The following SRSF3 variants were observed in gnomAD, a reference collection of about 807,000 sequenced individuals.
The protein encoded by SRSF3 is serine and arginine rich splicing factor 3.
For synonymous variants in SRSF3, 87 were observed against 73.6 expected (o/e 1.18, Z -0.93); for missense variants, 58 against 217.1 (o/e 0.27, Z 4.61).
intron 1 of SRSF3, among the ~76,000 whole-genome samples, chr6:36,595,330 T>TA (rs1488193776): frequency 6.6e-6 from 1 of 152,170 alleles, no homozygotes; most frequent in Non-Finnish European, 1.5e-5. Context: ...GTGCAGTAAA[T>TA]TTTTTAGTAG....
At position 36,603,220 on chromosome 6, in the gene SRSF3, T is replaced by C. The variant is rs977889129; in HGVS notation, c.*1231T>C. On this transcript the variant is annotated 3_prime_UTR_variant, in exon 6 of 6. Coordinates refer to ENST00000373715, the MANE Select transcript of SRSF3 (RefSeq NM_003017.5). The stretch of plus-strand genomic sequence containing the variant: ...GGCTTTTATCTTTAGCATGAAAACT[T>C]TCCACAGGTCTAAAAATTGCTTCCA... 2.7e-5 allele frequency: 6 copies of C among 224,464 alleles called. No homozygotes were observed. The highest frequency in any genetic ancestry group is 1.1e-4 in the Admixed American group (2 of 17,460). 13.9% of individuals were successfully genotyped at this position (224,464 alleles called of 1,614,324 possible).
intron 3 of SRSF3, chr6:36,599,447 A>AG (rs1395007862): frequency 4.9e-6 from 1 of 205,716 alleles, no homozygotes; most frequent in African/African-American, 2.3e-5. Flanking sequence ...TGACCAATAA[A>AG]GGGGGCTAAA....
chr6:36,601,833 C>G, intron 5 of SRSF3, 39 bp downstream of exon 5: 6 of 1,603,960 alleles, frequency 3.7e-6, no homozygotes, highest in Non-Finnish European at 5.1e-6. Context: ...ACTTTGCATA[C>G]ATAGTATGCT....
At chr6:36,600,954 T>A in intron 3 of SRSF3, 198 bp from the exon 4 acceptor site, 1 of 478,184 alleles carries the variant, frequency 2.1e-6, no homozygotes, top group Non-Finnish European at 3.6e-6. Context: ...CACTTGAGCT[T>A]TTTGTTTCTT....
intron 2 of SRSF3, among the ~76,000 whole-genome samples, chr6:36,598,032 G>A (rs1329988692): frequency 6.6e-6 from 1 of 152,090 alleles, no homozygotes; most frequent in Non-Finnish European, 1.5e-5. Flanking sequence ...GTTGAGGGGA[G>A]AGGGTGCTGT....
intron 3 of SRSF3, 41 bp downstream of exon 3, chr6:36,599,024 G>A (rs768280731): frequency 2.5e-6 from 4 of 1,605,180 alleles, no homozygotes; most frequent in Middle Eastern, 1.7e-4. Context: ...TGGTGTAATG[G>A]AGTAGCTAGT....
Position 36,603,912 on chromosome 6 carries a change from A to G in SRSF3, c.*1923A>G, listed in dbSNP as rs893550139. Reference sequence around the variant, plus strand: ...CTGTAAAAAGGACAGTTACGGGTATAATATGGCTAAGAGAAATAATACAGA... The same window carrying G: ...CTGTAAAAAGGACAGTTACGGGTATGATATGGCTAAGAGAAATAATACAGA... On this transcript the variant is annotated 3_prime_UTR_variant, in exon 6 of 6. Coordinates refer to ENST00000373715, the MANE Select transcript of SRSF3 (RefSeq NM_003017.5). 58 of 226,262 alleles carry G rather than the reference A, an allele frequency of 2.6e-4. 2 individuals are homozygous for G. The East Asian group carries it at 3.6e-3, about 14-fold the overall frequency. 14.0% of individuals were successfully genotyped at this position (226,262 alleles called of 1,614,324 possible). A position where few individuals can be genotyped will look rare whatever the true frequency, so the allele number is the denominator to read the frequency against.
chr6:36,601,639 AG>A (rs2127506627), intron 4 of SRSF3, 68 bp from the exon 5 acceptor site: 2 of 1,416,332 alleles, frequency 1.4e-6, no homozygotes, highest in East Asian at 4.6e-5. Context: ...TCACCATGCC[AG>A]ATCAAGAAAA....
chr6:36,601,688 AT>A lies in SRSF3; in HGVS notation c.381-19del. Reference sequence around the variant, plus strand: ...ATTTTATCATACCTCATTGGTCCTAATGTTTTTTTGCTTGTTTAGGTCCCTT... The same window carrying A: ...ATTTTATCATACCTCATTGGTCCTAAGTTTTTTTGCTTGTTTAGGTCCCTT... On this transcript the variant is annotated intron_variant, in intron 4 of 5. Coordinates refer to ENST00000373715, the MANE Select transcript of SRSF3 (RefSeq NM_003017.5). The A allele has an allele frequency of 2.5e-6, 4 of 1,579,906 alleles. No homozygotes were observed. The highest frequency in any genetic ancestry group is 3.5e-6 in the Non-Finnish European group (4 of 1,153,600).
intron 3 of SRSF3, 62 bp downstream of exon 3, chr6:36,599,045 A>G (rs779920060): frequency 1.3e-4 from 209 of 1,569,406 alleles, no homozygotes; most frequent in Non-Finnish European, 1.7e-4. Context: ...AGGAGCAGGT[A>G]TTTCTCTTAA....
chr6:36,598,736 G>A (rs9368942), intron 2 of SRSF3, 113 bp from the exon 3 acceptor site: 1 of 1,271,386 alleles, frequency 7.9e-7, no homozygotes, highest in Non-Finnish European at 1.1e-6. Context: ...ATGTTAAATT[G>A]CACAGACACT....
At chr6:36,600,242 C>A (rs1002204483) in intron 3 of SRSF3, 1 of 1,047,498 alleles carries the variant, frequency 9.5e-7, no homozygotes. Context: ...GGCAGCCTCA[C>A]CTCACCATTT....
chr6:36,597,334 G>C, intron 2 of SRSF3: 1 of 246,046 alleles, frequency 4.1e-6, no homozygotes, highest in Non-Finnish European at 8.1e-6. Flanking sequence ...TCGAACTCCT[G>C]ACCCCAGGTG....
At chr6:36,599,703 T>G (rs1778687187) in intron 3 of SRSF3, 1 of 801,024 alleles carries the variant, frequency 1.2e-6, no homozygotes, top group African/African-American at 1.8e-5. Context: ...AACAGCACAC[T>G]GTTGCCCATC....
rs1312424318 is a variant in SRSF3, at chr6:36,594,394, AGTTG to A, written c.-83_-80del. On this transcript the variant is annotated 5_prime_UTR_variant, in exon 1 of 6. Transcript: ENST00000373715. Reference sequence around the variant, plus strand: ...TTCGTGGACGCCGGGTGAGTGAGAGAGTTGGTTGGTGTTGGGCCGGAGGAAAGCG... The same window carrying A: ...TTCGTGGACGCCGGGTGAGTGAGAGAGTTGGTGTTGGGCCGGAGGAAAGCG... 2 of 152,542 alleles carry A rather than the reference AGTTG, an allele frequency of 1.3e-5. No homozygotes were observed. Among genetic ancestry groups the A allele is most frequent in the African/African-American group, 2.4e-5 (1 of 41,432 alleles). The allele number at this position is 152,542 out of a possible 1,614,324, so 9.4% of individuals were successfully genotyped here. A position where few individuals can be genotyped will look rare whatever the true frequency, so the allele number is the denominator to read the frequency against.
rs113268997 is a variant in SRSF3 at position 36,604,023 on chromosome 6, C to T, written c.*2034C>T. 1.7e-3 allele frequency: 397 copies of T among 230,232 alleles called. No homozygotes were observed. The highest frequency in any genetic ancestry group is 2.4e-3 in the Non-Finnish European group (278 of 116,302). 14.3% of individuals were successfully genotyped at this position (230,232 alleles called of 1,614,324 possible). A position where few individuals can be genotyped will look rare whatever the true frequency, so the allele number is the denominator to read the frequency against. ...GTTGGCAGTTACTTTAACCAGGAGCCCTAGCATAACCTCAAGACTCTTAGA... is the reference window on the plus strand; with the variant it reads ...GTTGGCAGTTACTTTAACCAGGAGCTCTAGCATAACCTCAAGACTCTTAGA... On this transcript the variant is annotated 3_prime_UTR_variant, in exon 6 of 6. Transcript: ENST00000373715.
intron 5 of SRSF3, 23 bp from the exon 6 acceptor site, chr6:36,601,939 T>C: frequency 3.2e-6 from 5 of 1,567,310 alleles, no homozygotes; most frequent in Non-Finnish European, 4.3e-6. Flanking sequence ...TGTTTTGTTT[T>C]CTTTTTTTTT....
intron 2 of SRSF3, 161 bp downstream of exon 2, chr6:36,597,129 C>T (rs570838394): frequency 1.2e-4 from 74 of 625,918 alleles, no homozygotes; most frequent in African/African-American, 6.2e-4. Flanking sequence ...GGTGGGGAGA[C>T]GAGTCTTGCA....
intron 1 of SRSF3, among the ~76,000 whole-genome samples, chr6:36,596,387 C>T (rs1024652533): frequency 6.6e-5 from 10 of 152,054 alleles, no homozygotes; most frequent in African/African-American, 2.4e-4. Context: ...ACAGAATTCT[C>T]TTCTGTTTTT....
Sources: gnomAD v4.1 joint callset for allele counts (sites outside exome capture counted in the v4.1 genomes callset) on GRCh38, gnomAD v4.1.1 for gene constraint, MANE v1.5 for transcripts, NCBI Gene and HGNC (gene_info 2026-07-23, HGNC 2026-07-21) for gene names.